The following ANGPT2 variants were observed in gnomAD, a reference collection of about 807,000 sequenced individuals.
ANGPT2 encodes angiopoietin-2.
Under a neutral mutation model 62.9 loss-of-function variants are expected in ANGPT2, and 28 were observed. The ratio of observed to expected loss-of-function variants is 0.44; its 90% CI spans 0.33 to 0.61. The LOEUF is 0.61. Ranked by LOEUF, ANGPT2 falls within the 20% of genes least tolerant of loss-of-function variation. The pLI is 0.03. For missense variants in ANGPT2, 727 were observed against 594.9 expected, an observed-to-expected ratio of 1.22 and a Z score of -2.31; for synonymous variants, 284 against 207.8, an observed-to-expected ratio of 1.37 and a Z score of -3.15.
chr8:6,563,049 G>T lies in ANGPT2; in HGVS notation c.-115C>A. 1 of 1,127,740 alleles carries T rather than the reference G, an allele frequency of 8.9e-7. No individual in the cohort carries two copies. 69.9% of individuals were successfully genotyped at this position (1,127,740 alleles called of 1,614,324 possible). ...CTGCTACGCTGCCATGGCTGGGTCCGTCAATGAAAGTCTTCTCTTTCCTCT... is the reference window on the plus strand; with the variant it reads ...CTGCTACGCTGCCATGGCTGGGTCCTTCAATGAAAGTCTTCTCTTTCCTCT... On this transcript the variant is annotated 5_prime_UTR_variant, in exon 1 of 9. Coordinates refer to ENST00000629816, the MANE Select transcript of ANGPT2 (RefSeq NM_001118887.2).
At chr8:6,505,599 AAT>A (rs575838053) in intron 8 of ANGPT2, among the ~76,000 whole-genome samples, 1 of 126,124 alleles carries the variant, frequency 7.9e-6, no homozygotes, top group African/African-American at 3.0e-5. Context: ...GTATATATGG[AAT>A]ATATATATTC....
chr8:6,533,009 A>G (rs17077419), intron 1 of ANGPT2, among the ~76,000 whole-genome samples: 44,330 of 152,140 alleles, frequency 0.29, 6,668 homozygotes, highest in Middle Eastern at 0.41. Flanking sequence ...CTTTTAACCT[A>G]CGGAATCACC....
At chr8:6,552,333 T>C (rs1287061321) in intron 1 of ANGPT2, among the ~76,000 whole-genome samples, 2 of 152,236 alleles carry the variant, frequency 1.3e-5, no homozygotes, top group East Asian at 3.8e-4. Context: ...AGCAGTGTGT[T>C]GCCCAATGAC....
chr8:6,514,412 C>T (rs7812805), intron 6 of ANGPT2, among the ~76,000 whole-genome samples: 16 of 152,162 alleles, frequency 1.1e-4, no homozygotes, highest in African/African-American at 3.4e-4. Context: ...TGGTCTCAAA[C>T]TCCTGACCTC....
chr8:6,509,480 G>T (rs1352511669), intron 7 of ANGPT2, among the ~76,000 whole-genome samples: 1 of 152,216 alleles, frequency 6.6e-6, no homozygotes, highest in Non-Finnish European at 1.5e-5. Context: ...CCCCGGGGGG[G>T]ATGGAGAATG....
chr8:6,542,995 G>A (rs1455219791), intron 1 of ANGPT2, among the ~76,000 whole-genome samples: 2 of 152,154 alleles, frequency 1.3e-5, no homozygotes, highest in Non-Finnish European at 2.9e-5. Flanking sequence ...GTTTTAAAAA[G>A]GGAGAGGAGC....
intron 5 of ANGPT2, among the ~76,000 whole-genome samples, chr8:6,518,248 G>C (rs1164963192): frequency 1.3e-5 from 2 of 152,108 alleles, no homozygotes; most frequent in Admixed American, 1.3e-4. Context: ...TGACACTCCT[G>C]TCCCCAGGCC....
At position 6,501,337 on chromosome 8, in the gene ANGPT2, C is replaced by T. The variant is rs1812136149; in HGVS notation, c.*1764G>A. ...TAGAACACTGTAAGGTGAAGACAGA[C>T]ATATAGTAGATGCTAGTTACAGACT... On this transcript the variant is annotated 3_prime_UTR_variant, in exon 9 of 9. Coordinates refer to ENST00000629816, the MANE Select transcript of ANGPT2 (RefSeq NM_001118887.2). The T allele has an allele frequency of 6.6e-6, 1 of 152,066 alleles. No individual in the cohort carries two copies. Among genetic ancestry groups the T allele is most frequent in the Non-Finnish European group, 1.5e-5 (1 of 68,004 alleles). The allele number at this position is 152,066 out of a possible 1,614,324, so 9.4% of individuals were successfully genotyped here. A position where few individuals can be genotyped will look rare whatever the true frequency, so the allele number is the denominator to read the frequency against.
chr8:6,532,505 T>G lies in ANGPT2; in HGVS notation c.289-18A>C. 6.3e-7 allele frequency: 1 copy of G among 1,588,450 alleles called. No homozygotes were observed. The highest frequency in any genetic ancestry group is 8.6e-7 in the Non-Finnish European group (1 of 1,166,494). On this transcript the variant is annotated intron_variant, in intron 1 of 8. Transcript: ENST00000629816. ...TTCTCAAGCTAGAAAAGAACAGTGT[T>G]AGAAGGCAGTCATTAGTCAAATGAC...
At position 6,500,230 on chromosome 8, in the gene ANGPT2, T is replaced by A. The variant is rs910379362; in HGVS notation, c.*2871A>T. On this transcript the variant is annotated 3_prime_UTR_variant, in exon 9 of 9. Coordinates refer to ENST00000629816, the MANE Select transcript of ANGPT2 (RefSeq NM_001118887.2). ...CTGAATTCTTGGGCAGGTAGTCTTA[T>A]ATCTTGCTTAATGTTTTTACTGTTA... is the stretch of plus-strand genomic sequence containing the variant. The A allele has an allele frequency of 1.6e-5, 6 of 383,138 alleles. No homozygotes were observed. The highest frequency in any genetic ancestry group is 1.0e-4 in the African/African-American group (5 of 48,422). 23.7% of individuals were successfully genotyped at this position (383,138 alleles called of 1,614,324 possible). A position where few individuals can be genotyped will look rare whatever the true frequency, so the allele number is the denominator to read the frequency against.
In ANGPT2 at chr8:6,562,673, C is replaced by G; in HGVS notation, c.262G>C (p.Glu88Gln). The change falls in exon 1 of 9, where the codon GAA becomes CAA. Residue 88 changes from glutamate to glutamine, a missense_variant. Glu to Gln is a conservative substitution (Grantham distance 29). Coordinates refer to ENST00000629816, the MANE Select transcript of ANGPT2 (RefSeq NM_001118887.2). ...QRLQVLENIM[E>Q]NNTQWLMKLE... ...TTCATTAGCCACTGAGTGTTGTTTT[C>G]CATGATGTTCTCCAGCACTTGCAGC... is the stretch of plus-strand genomic sequence containing the variant. The G allele has an allele frequency of 6.3e-7, 1 of 1,588,286 alleles. No individual in the cohort carries two copies. Among genetic ancestry groups the G allele is most frequent in the East Asian group, 2.3e-5 (1 of 43,930 alleles).
intron 1 of ANGPT2, among the ~76,000 whole-genome samples, chr8:6,539,584 C>A (rs1823376): frequency 0.79 from 120,437 of 152,000 alleles, 48,086 homozygotes; most frequent in Non-Finnish European, 0.84. Context: ...TCTAGTCATA[C>A]TTTTTTATTG....
At chr8:6,543,913 C>T (rs926507382) in intron 1 of ANGPT2, among the ~76,000 whole-genome samples, 7 of 152,102 alleles carry the variant, frequency 4.6e-5, no homozygotes, top group African/African-American at 1.7e-4. Flanking sequence ...TTATAACTCA[C>T]ATTAGAAACA....
At chr8:6,543,669 C>T (rs915088453) in intron 1 of ANGPT2, among the ~76,000 whole-genome samples, 5 of 152,004 alleles carry the variant, frequency 3.3e-5, no homozygotes, top group Non-Finnish European at 5.9e-5. Context: ...ATTTCATAAC[C>T]GCTGAAGTTC....
chr8:6,506,148 T>C (rs1465882816), intron 8 of ANGPT2, among the ~76,000 whole-genome samples: 1 of 151,908 alleles, frequency 6.6e-6, no homozygotes, highest in Non-Finnish European at 1.5e-5. Context: ...TTCAGGTGAA[T>C]GCAGATTGGA....
At position 6,514,757 on chromosome 8, in the gene ANGPT2, C is replaced by T. The variant is rs61733316; in HGVS notation, c.949G>A (p.Gly317Arg). Residue 317 changes from glycine (G) to arginine (R), a missense_variant, in exon 6 of 9, where the codon GGA becomes AGA. Gly to Arg is a moderately radical substitution (Grantham distance 125). Transcript: ENST00000629816. ...TGAATAATTGTCCACCCGCCTCCTCCAGCTTCCATGTCACAGTAGGCCTGC... is the reference window on the plus strand; with the variant it reads ...TGAATAATTGTCCACCCGCCTCCTCTAGCTTCCATGTCACAGTAGGCCTGC... ...EIKAYCDMEAGGGGWTIIQRR... is the reference protein window; with the variant it reads ...EIKAYCDMEARGGGWTIIQRR... The T allele has an allele frequency of 6.2e-6, 10 of 1,613,918 alleles. No homozygotes were observed. The highest frequency in any genetic ancestry group is 2.2e-5 in the South Asian group (2 of 91,078).
chr8:6,541,663 C>T (rs987940627), intron 1 of ANGPT2, among the ~76,000 whole-genome samples: 2 of 152,084 alleles, frequency 1.3e-5, no homozygotes, highest in Admixed American at 1.3e-4. Flanking sequence ...TGATGTTTTC[C>T]CTACAGAGAT....
intron 6 of ANGPT2, 65 bp downstream of exon 6, chr8:6,514,612 G>A (rs1204130025): frequency 2.8e-5 from 40 of 1,418,478 alleles, no homozygotes; most frequent in East Asian, 1.6e-4. Context: ...TTAAGGTTCC[G>A]CAGATCTTGA....
At chr8:6,516,134 T>G (rs1352358853) in intron 5 of ANGPT2, among the ~76,000 whole-genome samples, 2 of 152,220 alleles carry the variant, frequency 1.3e-5, no homozygotes, top group Non-Finnish European at 2.9e-5. Context: ...AAGTTACATT[T>G]ATTAAGAAGA....
Sources: allele counts gnomAD v4.1 joint callset (sites outside exome capture counted in the v4.1 genomes callset), GRCh38; gene constraint gnomAD v4.1.1; transcripts MANE v1.5; gene names NCBI Gene and HGNC (gene_info 2026-07-23, HGNC 2026-07-21).